Variants in MMRN1 observed in about 807,000 individuals in gnomAD.
The protein encoded by MMRN1 is multimerin 1, also known as multimerin-1.
A neutral mutation model predicts 100.7 loss-of-function variants in MMRN1; 94 were observed. The observed-to-expected ratio is 0.93, with a 90% CI of 0.79 to 1.11. The LOEUF (loss-of-function observed/expected upper bound fraction) is 1.11, where lower values mean the gene tolerates loss of function less well. Among genes scored for constraint, MMRN1 ranks in the 50% least tolerant of loss-of-function variants. The pLI is 0.00. For missense variants in MMRN1, 1,606 were observed against 1,439.1 expected, an observed-to-expected ratio of 1.12 and a Z score of -1.88; for synonymous variants, 575 against 505.0, an observed-to-expected ratio of 1.14 and a Z score of -1.86.
intron 3 of MMRN1, among the ~76,000 whole-genome samples, chr4:89,916,550 A>T (rs929053472): frequency 6.6e-5 from 10 of 151,570 alleles, no homozygotes; most frequent in African/African-American, 2.2e-4. Flanking sequence ...AAAAAGCTTA[A>T]TTTTTCTCAT....
In MMRN1 at chr4:89,936,606, C is replaced by G; in HGVS notation, c.2926C>G (p.Gln976Glu). 10 of 1,611,850 alleles carry G rather than the reference C, an allele frequency of 6.2e-6. No individual in the cohort carries two copies. The highest frequency in any genetic ancestry group is 8.5e-6 in the Non-Finnish European group (10 of 1,179,246). ...FVEPIIQIKT[Q>E]AALSNLTCCI... Reference sequence around the variant, plus strand: ...GGAACCAATAATTCAAATAAAAACTCAAGCTGCCCTATCTAATTTAACTTG... The same window carrying G: ...GGAACCAATAATTCAAATAAAAACTGAAGCTGCCCTATCTAATTTAACTTG... Residue 976 changes from glutamine (Q) to glutamate (E), a missense_variant, in exon 6 of 8, where the codon CAA becomes GAA. Coordinates refer to ENST00000264790, the MANE Select transcript of MMRN1 (RefSeq NM_007351.3).
rs971761456 is a variant in MMRN1 at position 89,934,955 on chromosome 4, A to G, written c.1275A>G (p.Gln425=). ...SLSEDLESTR[Q]IIQKVNESVV... Reference sequence around the variant, plus strand: ...CAGAGGACCTCGAAAGCACCAGGCAAATAATTCAAAAAGTTAATGAATCTG... The same window carrying G: ...CAGAGGACCTCGAAAGCACCAGGCAGATAATTCAAAAAGTTAATGAATCTG... The change falls in exon 6 of 8, where the codon CAA becomes CAG. Residue 425 remains glutamine, a synonymous_variant. Coordinates refer to ENST00000264790, the MANE Select transcript of MMRN1 (RefSeq NM_007351.3). The G allele has an allele frequency of 1.2e-5, 19 of 1,613,784 alleles. No homozygotes were observed. The highest frequency in any genetic ancestry group is 1.4e-5 in the Non-Finnish European group (17 of 1,179,788).
intron 6 of MMRN1, among the ~76,000 whole-genome samples, chr4:89,940,563 T>C (rs1722791692): frequency 6.6e-6 from 1 of 152,126 alleles, no homozygotes. Context: ...CTGTGATGAC[T>C]AATGAGCCCT....
chr4:89,925,005 G>T (rs1452023605), intron 4 of MMRN1, among the ~76,000 whole-genome samples: 1 of 151,686 alleles, frequency 6.6e-6, no homozygotes, highest in Non-Finnish European at 1.5e-5. Context: ...TTATCCTTTC[G>T]GTTACAAACA....
chr4:89,908,948 C>G (rs1315567293), intron 1 of MMRN1, among the ~76,000 whole-genome samples: 1 of 151,216 alleles, frequency 6.6e-6, no homozygotes, highest in African/African-American at 2.4e-5. Context: ...AGTTTTTTAT[C>G]TCAGTACTAA....
intron 1 of MMRN1, among the ~76,000 whole-genome samples, chr4:89,885,833 A>C (rs1012623674): frequency 2.0e-5 from 3 of 151,984 alleles, no homozygotes; most frequent in African/African-American, 7.2e-5. Context: ...TTTTACAAAA[A>C]ATCAACTCCA....
At chr4:89,911,655 T>C (rs556856323) in intron 2 of MMRN1, among the ~76,000 whole-genome samples, 108 of 151,534 alleles carry the variant, frequency 7.1e-4, no homozygotes, top group African/African-American at 2.4e-3. Flanking sequence ...AACATTGATT[T>C]AGCAAGAAGT....
Position 89,935,662 on chromosome 4 carries a change from A to C in MMRN1, c.1982A>C (p.Gln661Pro). ...PLLEQGASLR[Q>P]TMTYEQPKEA... ...CTTGAGCAGGGAGCATCACTCAGAC[A>C]GACAATGACATATGAACAACCAAAG... The change falls in exon 6 of 8, where the codon CAG becomes CCG. Residue 661 changes from glutamine (Q) to proline (P), a missense_variant. Physicochemically the swap from Gln to Pro is moderately conservative, Grantham distance 76. Coordinates refer to ENST00000264790, the MANE Select transcript of MMRN1 (RefSeq NM_007351.3). 6.2e-7 allele frequency: 1 copy of C among 1,613,418 alleles called. No homozygotes were observed. Among genetic ancestry groups the C allele is most frequent in the Non-Finnish European group, 8.5e-7 (1 of 1,179,680 alleles).
At chr4:89,889,802 C>G (rs1216049451) in intron 1 of MMRN1, among the ~76,000 whole-genome samples, 1 of 152,050 alleles carries the variant, frequency 6.6e-6, no homozygotes, top group African/African-American at 2.4e-5. Flanking sequence ...GATTAAAACA[C>G]TACTTTACAA....
At chr4:89,892,038 T>C (rs1460453956), upstream of MMRN1, among the ~76,000 whole-genome samples, 1 of 151,930 alleles carries the variant, frequency 6.6e-6, no homozygotes, top group Non-Finnish European at 1.5e-5. Flanking sequence ...TTTTTGTTTT[T>C]TTTTCTTGTG....
intron 3 of MMRN1, among the ~76,000 whole-genome samples, chr4:89,918,784 C>T (rs1354338728): frequency 6.6e-6 from 1 of 151,722 alleles, no homozygotes; most frequent in Non-Finnish European, 1.5e-5. Flanking sequence ...CAGGCTTCAC[C>T]TATGTAAAAA....
intron 6 of MMRN1, 76 bp from the exon 7 acceptor site, chr4:89,951,529 T>G (rs1448230219): frequency 5.7e-6 from 8 of 1,397,324 alleles, no homozygotes; most frequent in Non-Finnish European, 7.5e-6. Context: ...CCTATTCTGC[T>G]GCAAACTACG....
chr4:89,912,042 A>G lies in MMRN1; in HGVS notation c.842A>G (p.Gln281Arg), dbSNP rs142654621. The change falls in exon 3 of 8, where the codon CAA (glutamine) becomes CGA (arginine). Residue 281 changes from glutamine to arginine, a missense_variant. Physicochemically the swap from Gln to Arg is conservative, Grantham distance 43. Transcript: ENST00000264790. The stretch of plus-strand genomic sequence containing the variant: ...CCTGGATACAGTGGGCCGAAATGTC[A>G]ACTAAGAGGTACACTCTAATATTAA... ...CCPGYSGPKCQLRAQEQQSLI... is the reference protein window; with the variant it reads ...CCPGYSGPKCRLRAQEQQSLI... The G allele has an allele frequency of 3.0e-5, 48 of 1,585,242 alleles. No homozygotes were observed. In the East Asian group the frequency reaches 4.3e-4, roughly 14 times the overall value.
chr4:89,950,330 A>G (rs917115697), intron 6 of MMRN1, among the ~76,000 whole-genome samples: 6 of 152,188 alleles, frequency 3.9e-5, no homozygotes, highest in South Asian at 2.1e-4. Context: ...CACATGGACA[A>G]GTATGTCTGG....
intron 7 of MMRN1, among the ~76,000 whole-genome samples, 193 bp from the exon 8 acceptor site, chr4:89,952,804 C>T: frequency 6.6e-6 from 1 of 152,068 alleles, no homozygotes; most frequent in African/African-American, 2.4e-5. Flanking sequence ...CAACAAGAGG[C>T]TAAGCAATTT....
intron 3 of MMRN1, among the ~76,000 whole-genome samples, chr4:89,915,691 G>A (rs897653116): frequency 6.6e-6 from 1 of 151,414 alleles, no homozygotes; most frequent in Non-Finnish European, 1.5e-5. Context: ...TCAAGGTCAG[G>A]GCTTCCATTG....
At chr4:89,945,007 AG>A (rs1157271359) in intron 6 of MMRN1, among the ~76,000 whole-genome samples, 4 of 152,174 alleles carry the variant, frequency 2.6e-5, no homozygotes, top group Non-Finnish European at 5.9e-5. Context: ...GCACCTTTGT[AG>A]TCAAACCTGT....
chr4:89,890,314 G>C (rs1325712525), upstream of MMRN1, among the ~76,000 whole-genome samples: 3 of 150,206 alleles, frequency 2.0e-5, no homozygotes, highest in Non-Finnish European at 3.0e-5. Flanking sequence ...TTTCCAGGCT[G>C]ACAATTCTCT....
At position 89,935,755 on chromosome 4, in the gene MMRN1, T is replaced by C; in HGVS notation, c.2075T>C (p.Ile692Thr). ...GCTGTCAATAGTCTAAATTTTATTATCAAAGAACTTACAAAAAGACACAAC... is the reference window on the plus strand; with the variant it reads ...GCTGTCAATAGTCTAAATTTTATTACCAAAGAACTTACAAAAAGACACAAC... ...TSAVNSLNFI[I>T]KELTKRHNLL... The change falls in exon 6 of 8, where the codon ATC becomes ACC. Residue 692 changes from isoleucine to threonine, a missense_variant. Coordinates refer to ENST00000264790, the MANE Select transcript of MMRN1 (RefSeq NM_007351.3). 6.2e-7 allele frequency: 1 copy of C among 1,612,056 alleles called. No individual in the cohort carries two copies. The highest frequency in any genetic ancestry group is 8.5e-7 in the Non-Finnish European group (1 of 1,179,372).
Sources: gnomAD v4.1 joint callset for allele counts (sites outside exome capture counted in the v4.1 genomes callset) on GRCh38, gnomAD v4.1.1 for gene constraint, MANE v1.5 for transcripts, NCBI Gene and HGNC (gene_info 2026-07-23, HGNC 2026-07-21) for gene names.